The following GUCY1A2 variants were observed in gnomAD, a reference collection of about 807,000 sequenced individuals.
The protein encoded by GUCY1A2 is guanylate cyclase 1 soluble subunit alpha 2.
GUCY1A2 carries 27 observed loss-of-function variants against 63.5 expected under a neutral mutation model. That is an observed-to-expected ratio of 0.43 (90% CI 0.31 to 0.59). GUCY1A2 has a LOEUF of 0.59. Ranked by LOEUF, GUCY1A2 falls within the 20% of genes least tolerant of loss-of-function variation. The pLI, the probability that GUCY1A2 is intolerant of heterozygous loss-of-function variation, is 0.11. For missense variants in GUCY1A2, 768 were observed against 913.3 expected, an observed-to-expected ratio of 0.84 and a Z score of 2.05; for synonymous variants, 364 against 343.5, an observed-to-expected ratio of 1.06 and a Z score of -0.66.
chr11:106,713,608 G>A (rs1045895843), intron 6 of GUCY1A2, among the ~76,000 whole-genome samples: 1 of 138,320 alleles, frequency 7.2e-6, no homozygotes, highest in Non-Finnish European at 1.5e-5. Context: ...CCGGGTTCAC[G>A]CCATTCTCCT....
intron 2 of GUCY1A2, among the ~76,000 whole-genome samples, chr11:106,983,030 C>T (rs147947414): frequency 2.0e-5 from 3 of 152,144 alleles, no homozygotes; most frequent in Non-Finnish European, 4.4e-5. Flanking sequence ...CCCAGTAATA[C>T]GTGTTTTAAC....
rs1466128353 is a variant in GUCY1A2 at position 106,675,541 on chromosome 11, A to G, written c.*12008T>C. 1 of 197,080 alleles carries G rather than the reference A, an allele frequency of 5.1e-6. No individual in the cohort carries two copies. The highest frequency in any genetic ancestry group is 1.1e-5 in the Non-Finnish European group (1 of 95,144). The allele number at this position is 197,080 out of a possible 1,614,324, so 12.2% of individuals were successfully genotyped here. A position where few individuals can be genotyped will look rare whatever the true frequency, so the allele number is the denominator to read the frequency against. On this transcript the variant is annotated 3_prime_UTR_variant, in exon 8 of 8. Coordinates refer to ENST00000526355, the MANE Select transcript of GUCY1A2 (RefSeq NM_000855.3). ...AGAAGGCAATAAAATAGAGGGAAAA[A>G]TGGGACTGTGGATTACAACTGTTCA...
At chr11:106,882,850 G>A (rs1037806337) in intron 4 of GUCY1A2, among the ~76,000 whole-genome samples, 5 of 152,072 alleles carry the variant, frequency 3.3e-5, no homozygotes, top group Middle Eastern at 3.4e-3. Context: ...AATTAGAGAC[G>A]TGATATTAAG....
intron 6 of GUCY1A2, among the ~76,000 whole-genome samples, chr11:106,766,570 CAAAT>C (rs58767806): frequency 0.35 from 52,403 of 151,198 alleles, 9,351 homozygotes; most frequent in Admixed American, 0.42. Context: ...TTTTAGAAAA[CAAAT>C]AAAGAGATTA....
intron 4 of GUCY1A2, among the ~76,000 whole-genome samples, chr11:106,866,296 G>C (rs1859592268): frequency 1.3e-5 from 2 of 151,942 alleles, no homozygotes; most frequent in African/African-American, 4.8e-5. Flanking sequence ...AAAGGGGGAG[G>C]TTAGGAGACA....
intron 6 of GUCY1A2, among the ~76,000 whole-genome samples, chr11:106,757,455 T>A (rs1464818543): frequency 6.6e-6 from 1 of 152,216 alleles, no homozygotes; most frequent in South Asian, 2.1e-4. Context: ...ATTTTCAACC[T>A]TTTTTCATTG....
intron 7 of GUCY1A2, among the ~76,000 whole-genome samples, chr11:106,691,655 CTT>C (rs896824908): frequency 6.6e-6 from 1 of 152,194 alleles, no homozygotes; most frequent in African/African-American, 2.4e-5. Flanking sequence ...TGGGAGGAAA[CTT>C]TTCACAATGA....
Position 106,822,043 on chromosome 11 carries a change from G to A in GUCY1A2, c.1207-11565C>T, listed in dbSNP as rs544579478. On this transcript the variant is annotated intron_variant, in intron 4 of 7. Coordinates refer to ENST00000526355, the MANE Select transcript of GUCY1A2 (RefSeq NM_000855.3). ...TAGAATTTAGGCTGGGACCCAAGTT[G>A]GCAAAACCCACTGTTACATACTGAG... Among the ~76,000 whole-genome samples, 106 of 152,112 alleles carry A rather than the reference G, an allele frequency of 7.0e-4. No individual in the cohort carries two copies. In the Middle Eastern group the frequency reaches 0.01, roughly 15 times the overall value.
chr11:106,788,132 G>A (rs1864597418), intron 5 of GUCY1A2, among the ~76,000 whole-genome samples: 1 of 152,072 alleles, frequency 6.6e-6, no homozygotes, highest in African/African-American at 2.4e-5. Context: ...TTTCTCTGAT[G>A]ATCAAAGATA....
intron 6 of GUCY1A2, among the ~76,000 whole-genome samples, chr11:106,721,789 A>C (rs944944026): frequency 1.3e-5 from 2 of 152,212 alleles, no homozygotes; most frequent in African/African-American, 4.8e-5. Context: ...GTAATTAAGA[A>C]ATTGCTAAGC....
chr11:106,768,393 T>C (rs1357895569), intron 6 of GUCY1A2, among the ~76,000 whole-genome samples: 1 of 152,132 alleles, frequency 6.6e-6, no homozygotes, highest in Non-Finnish European at 1.5e-5. Context: ...AAAGAGGACA[T>C]CTAACATACA....
Position 106,675,564 on chromosome 11 carries a change from T to A in GUCY1A2, c.*11985A>T, listed in dbSNP as rs1355518870. On this transcript the variant is annotated 3_prime_UTR_variant, in exon 8 of 8. Transcript: ENST00000526355. ...AAATGGGACTGTGGATTACAACTGTTCAAATTTCATCTTAATTTCTTCTAT... is the reference window on the plus strand; with the variant it reads ...AAATGGGACTGTGGATTACAACTGTACAAATTTCATCTTAATTTCTTCTAT... 5.1e-6 allele frequency: 1 copy of A among 194,336 alleles called. No homozygotes were observed. The highest frequency in any genetic ancestry group is 2.3e-5 in the African/African-American group (1 of 43,114). 12.0% of individuals were successfully genotyped at this position (194,336 alleles called of 1,614,324 possible).
At chr11:106,887,755 C>T (rs903203421) in intron 4 of GUCY1A2, among the ~76,000 whole-genome samples, 2 of 152,048 alleles carry the variant, frequency 1.3e-5, no homozygotes, top group African/African-American at 4.8e-5. Context: ...GAAATAGGAG[C>T]CTTTGACAGA....
At chr11:107,016,969 T>C (rs935012081) in intron 1 of GUCY1A2, among the ~76,000 whole-genome samples, 1 of 152,192 alleles carries the variant, frequency 6.6e-6, no homozygotes, top group African/African-American at 2.4e-5. Flanking sequence ...CAAACCACCA[T>C]GGCACACGTT....
chr11:106,741,733 A>G (rs966813941), intron 6 of GUCY1A2, among the ~76,000 whole-genome samples: 3 of 152,220 alleles, frequency 2.0e-5, no homozygotes, highest in African/African-American at 4.8e-5. Context: ...AAAGTTTACA[A>G]TGGTGATAAT....
chr11:106,767,640 A>C (rs1471354555), intron 6 of GUCY1A2, among the ~76,000 whole-genome samples: 5 of 152,162 alleles, frequency 3.3e-5, no homozygotes, highest in Non-Finnish European at 7.4e-5. Context: ...TGACATACAC[A>C]TCACAGACAC....
chr11:107,001,681 T>C (rs183728077), intron 1 of GUCY1A2, among the ~76,000 whole-genome samples: 339 of 150,246 alleles, frequency 2.3e-3, no homozygotes, highest in Non-Finnish European at 3.9e-3. Context: ...TGTGGTATAC[T>C]TAAAAAAAAA....
At chr11:106,887,638 G>A (rs1353767206) in intron 4 of GUCY1A2, among the ~76,000 whole-genome samples, 1 of 152,100 alleles carries the variant, frequency 6.6e-6, no homozygotes, top group East Asian at 1.9e-4. Context: ...TCACACTATT[G>A]AGTCCCTTAT....
At chr11:106,884,793 C>T (rs1368003350) in intron 4 of GUCY1A2, among the ~76,000 whole-genome samples, 4 of 152,050 alleles carry the variant, frequency 2.6e-5, no homozygotes, top group Non-Finnish European at 5.9e-5. Flanking sequence ...AAAAAAGACA[C>T]TTCATATCAG....
Sources: allele counts gnomAD v4.1 joint callset (sites outside exome capture counted in the v4.1 genomes callset), GRCh38; gene constraint gnomAD v4.1.1; transcripts MANE v1.5; gene names NCBI Gene and HGNC (gene_info 2026-07-23, HGNC 2026-07-21).